ALDH2: variants seen among roughly 807,000 people sequenced by gnomAD.
ALDH2 encodes the protein aldehyde dehydrogenase 2 family member.
A neutral mutation model predicts 59.6 loss-of-function variants in ALDH2; 44 were observed. The ratio of observed to expected loss-of-function variants is 0.74; its 90% CI spans 0.58 to 0.95. The LOEUF (loss-of-function observed/expected upper bound fraction) is 0.95, where lower values mean the gene tolerates loss of function less well. Among genes scored for constraint, ALDH2 ranks in the 40% least tolerant of loss-of-function variants. The pLI is 0.00. For synonymous variants in ALDH2, 291 were observed against 284.0 expected, an observed-to-expected ratio of 1.02 and a Z score of -0.25; for missense variants, 570 against 696.3, an observed-to-expected ratio of 0.82 and a Z score of 2.04.
Position 111,783,200 on chromosome 12 carries a change from C to G in ALDH2, c.262C>G (p.Gln88Glu). 1 of 1,613,354 alleles carries G rather than the reference C, an allele frequency of 6.2e-7. No homozygotes were observed. Among genetic ancestry groups the G allele is most frequent in the South Asian group, 1.1e-5 (1 of 90,958 alleles). Residue 88 changes from glutamine to glutamate, a missense_variant, in exon 3 of 13, where the codon CAG becomes GAG. By Grantham distance (29) the Gln-to-Glu change is conservative. Coordinates refer to ENST00000261733, the MANE Select transcript of ALDH2 (RefSeq NM_000690.4). ...KAVKAARAAF[Q>E]LGSPWRRMDA... ...AGTGAAGGCCGCCCGGGCCGCCTTC[C>G]AGCTGGGCTCACCTTGGCGCCGCAT...
rs532985612 is a variant in ALDH2, at chr12:111,790,269, G to C, written c.553-165G>C. ...AGTCTGTCATCGTTGTGCACCGCCT[G>C]CCTCATCCATTCATCTTAAAACCAC... On this transcript the variant is annotated intron_variant, in intron 5 of 12. Coordinates refer to ENST00000261733, the MANE Select transcript of ALDH2 (RefSeq NM_000690.4). Among the ~76,000 whole-genome samples, 4 of 152,318 alleles carry C rather than the reference G, an allele frequency of 2.6e-5. No individual in the cohort carries two copies. The South Asian group carries it at 8.3e-4, about 32-fold the overall frequency.
At chr12:111,775,740 T>A (rs2068230586) in intron 1 of ALDH2, 4 of 453,600 alleles carry the variant, frequency 8.8e-6, no homozygotes, top group Middle Eastern at 3.3e-4. Context: ...GCTTCGGGTT[T>A]CTGGTCAGGA....
chr12:111,792,723 C>T lies in ALDH2; in HGVS notation c.1024C>T (p.Arg342Trp), dbSNP rs767381323. Reference sequence around the variant, plus strand: ...TGAGTTTGTGGAGCGGAGCGTTGCCCGGGCCAAGTCTCGGGTGGTCGGGAA... The same window carrying T: ...TGAGTTTGTGGAGCGGAGCGTTGCCTGGGCCAAGTCTCGGGTGGTCGGGAA... Reference protein sequence around the residue: ...YDEFVERSVARAKSRVVGNPF... With the variant: ...YDEFVERSVAWAKSRVVGNPF... The change falls in exon 9 of 13, where the codon CGG becomes TGG. Residue 342 changes from arginine to tryptophan, a missense_variant. By Grantham distance (101) the Arg-to-Trp change is moderately radical (BLOSUM62 -3). Coordinates refer to ENST00000261733, the MANE Select transcript of ALDH2 (RefSeq NM_000690.4). 10 of 1,581,500 alleles carry T rather than the reference C, an allele frequency of 6.3e-6. No homozygotes were observed. The highest frequency in any genetic ancestry group is 3.6e-5 in the Admixed American group (2 of 55,080).
intron 1 of ALDH2, among the ~76,000 whole-genome samples, chr12:111,775,332 C>A (rs1006804919): frequency 1.3e-5 from 2 of 152,102 alleles, no homozygotes; most frequent in Admixed American, 6.6e-5. Flanking sequence ...AGCAGTCACC[C>A]TTCAGACCCC....
intron 12 of ALDH2, among the ~76,000 whole-genome samples, chr12:111,807,845 G>T (rs1478682821): frequency 6.6e-6 from 1 of 151,694 alleles, no homozygotes; most frequent in Admixed American, 6.6e-5. Flanking sequence ...AGCTATGGGA[G>T]CATTTTAAGT....
rs909475464 is a variant in ALDH2 at position 111,791,400 on chromosome 12, C to G, written c.776C>G (p.Ala259Gly). Residue 259 changes from alanine (A) to glycine (G), a missense_variant, in exon 7 of 13, where the codon GCA becomes GGA. Coordinates refer to ENST00000261733, the MANE Select transcript of ALDH2 (RefSeq NM_000690.4). ...IASHEDVDKV[A>G]FTGSTEIGRV... ...TCCCATGAGGATGTGGACAAAGTGG[C>G]ATTCACAGGCTCCACTGAGGTAAGG... The G allele has an allele frequency of 1.9e-6, 3 of 1,613,482 alleles. No homozygotes were observed. Among genetic ancestry groups the G allele is most frequent in the Non-Finnish European group, 2.5e-6 (3 of 1,179,710 alleles).
chr12:111,794,239 C>T (rs1023744446), intron 9 of ALDH2, among the ~76,000 whole-genome samples: 1 of 152,006 alleles, frequency 6.6e-6, no homozygotes, highest in African/African-American at 2.4e-5. Context: ...AGGATGGTCT[C>T]GATCTCCTGA....
chr12:111,792,834 CAG>C, intron 9 of ALDH2, 52 bp downstream of exon 9: 5 of 1,510,564 alleles, frequency 3.3e-6, no homozygotes, highest in Non-Finnish European at 4.4e-6. Context: ...GCATGAGAAG[CAG>C]AGAGGGCATC....
rs192517874 is a variant in ALDH2 at position 111,805,983 on chromosome 12, A to G, written c.1521+2010A>G. On this transcript the variant is annotated intron_variant, in intron 12 of 12. Transcript: ENST00000261733. ...GGTTGCAGTGAGCCAAGATTGCACC[A>G]CTGCACTCCAGCCTGGCGACAGAGT... Among the ~76,000 whole-genome samples the G allele has an allele frequency of 5.3e-3, 764 of 143,206 alleles. 1 individual carries two copies. Among genetic ancestry groups the G allele is most frequent in the African/African-American group, 0.019 (716 of 37,914 alleles). The allele number at this position is 143,206 out of a possible 152,430, so 93.9% of individuals were successfully genotyped here.
At chr12:111,792,402 C>CT (rs2068368180) in intron 8 of ALDH2, among the ~76,000 whole-genome samples, 196 bp from the exon 9 acceptor site, 1 of 152,258 alleles carries the variant, frequency 6.6e-6, no homozygotes, top group Non-Finnish European at 1.5e-5. Flanking sequence ...GACTCATCCA[C>CT]TTGCCGCCAT....
At chr12:111,793,372 A>C (rs531817616) in intron 9 of ALDH2, among the ~76,000 whole-genome samples, 1 of 152,154 alleles carries the variant, frequency 6.6e-6, no homozygotes, top group East Asian at 1.9e-4. Context: ...GACATGAACC[A>C]CCACACCTGG....
chr12:111,809,583 G>T lies in ALDH2; in HGVS notation c.*8G>T. On this transcript the variant is annotated 3_prime_UTR_variant, in exon 13 of 13. Transcript: ENST00000261733. ...CCTCAGAAGAACTCATAAGAATCAT[G>T]CAAGCTTCCTCCCTCAGCCATTGAT... 3 of 1,614,060 alleles carry T rather than the reference G, an allele frequency of 1.9e-6. No homozygotes were observed. The highest frequency in any genetic ancestry group is 2.5e-6 in the Non-Finnish European group (3 of 1,180,002).
intron 9 of ALDH2, among the ~76,000 whole-genome samples, chr12:111,795,010 C>T (rs2068391894): frequency 6.6e-6 from 1 of 152,114 alleles, no homozygotes; most frequent in Admixed American, 6.6e-5. Flanking sequence ...CTACCAGGCC[C>T]AGGCAACCAC....
At chr12:111,770,386 G>A (rs980426450) in intron 1 of ALDH2, among the ~76,000 whole-genome samples, 4 of 152,164 alleles carry the variant, frequency 2.6e-5, no homozygotes, top group African/African-American at 9.7e-5. Context: ...TTTCCTGAAG[G>A]GGTGAGCTAG....
rs993233505 is a variant in ALDH2, at chr12:111,813,080, T to C, written c.*3505T>C. On this transcript the variant is annotated 3_prime_UTR_variant, in exon 13 of 13. Transcript: ENST00000261733. ...TTTTGACAACCTAGACACATTAATC[T>C]CCTTGCACTTTTAGTGACAGGAACC... The C allele has an allele frequency of 1.3e-5, 2 of 152,214 alleles. No homozygotes were observed. Among genetic ancestry groups the C allele is most frequent in the African/African-American group, 2.4e-5 (1 of 41,456 alleles). 9.4% of individuals were successfully genotyped at this position (152,214 alleles called of 1,614,324 possible).
intron 12 of ALDH2, among the ~76,000 whole-genome samples, chr12:111,809,244 A>G (rs1313425497): frequency 6.6e-6 from 1 of 152,184 alleles, no homozygotes; most frequent in African/African-American, 2.4e-5. Context: ...GCTTGAGCCC[A>G]GGAGTTCAAG....
chr12:111,789,510 G>C (rs185890332), intron 4 of ALDH2, among the ~76,000 whole-genome samples: 75 of 148,430 alleles, frequency 5.1e-4, no homozygotes, highest in Middle Eastern at 3.4e-3. Flanking sequence ...AAAAAGAAAA[G>C]AAAAGAAAGA....
At chr12:111,788,440 G>A (rs76211736) in intron 4 of ALDH2, among the ~76,000 whole-genome samples, 2,540 of 152,296 alleles carry the variant, frequency 0.017, 82 homozygotes, top group African/African-American at 0.058. Context: ...TCCAGCCCCA[G>A]ATGTCAGCAG....
rs1203982408 is a variant in ALDH2 at position 111,805,951 on chromosome 12, A to C, written c.1521+1978A>C. ...GGCAGGAGAATTGCTTGAACCCGGG[A>C]GGTGGAGGTTGCAGTGAGCCAAGAT... On this transcript the variant is annotated intron_variant, in intron 12 of 12. Transcript: ENST00000261733. Among the ~76,000 whole-genome samples the C allele has an allele frequency of 4.1e-5, 6 of 146,612 alleles. No homozygotes were observed. The Admixed American group carries it at 4.1e-4, about 10-fold the overall frequency.
Sources: allele counts gnomAD v4.1 joint callset (sites outside exome capture counted in the v4.1 genomes callset), GRCh38; gene constraint gnomAD v4.1.1; transcripts MANE v1.5; gene names NCBI Gene and HGNC (gene_info 2026-07-23, HGNC 2026-07-21).